Variants in PIEZO2 observed in about 807,000 individuals in gnomAD.
The protein encoded by PIEZO2 is piezo-type mechanosensitive ion channel component 2.
PIEZO2 carries 172 observed loss-of-function variants against 337.3 expected under a neutral mutation model. The observed-to-expected ratio is 0.51, with a 90% CI of 0.45 to 0.58. PIEZO2 has a LOEUF of 0.58. PIEZO2 is among the 20% of genes least tolerant of loss of function. PIEZO2 has a pLI of 0.00. For missense variants in PIEZO2, 3,028 were observed against 3,391.3 expected (o/e 0.89, Z 2.66); for synonymous variants, 1,251 against 1,228.5 (o/e 1.02, Z -0.38).
At chr18:10,865,557 GC>G (rs1208095667) in intron 5 of PIEZO2, among the ~76,000 whole-genome samples, 1 of 152,186 alleles carries the variant, frequency 6.6e-6, no homozygotes, top group Non-Finnish European at 1.5e-5. Flanking sequence ...GGCTCAAGCA[GC>G]TGGGTAGATG....
rs957867870 is a variant in PIEZO2 at position 10,750,723 on chromosome 18, T to G, written c.4168-536A>C. 1.3e-5 allele frequency among the ~76,000 whole-genome samples: 2 copies of G among 152,200 alleles called. No homozygotes were observed. Among genetic ancestry groups the G allele is most frequent in the Non-Finnish European group, 2.9e-5 (2 of 68,026 alleles). ...GGTGGTTGTCTCATAACAATGAATT[T>G]TTTGTTATAGTTAAGTTTAAATCCT... On this transcript the variant is annotated intron_variant, in intron 28 of 55. Coordinates refer to ENST00000674853, the MANE Select transcript of PIEZO2 (RefSeq NM_001378183.1). The surrounding 1 kb of genome is among the most constrained non-coding windows in gnomAD (Gnocchi z 4.1).
At chr18:11,017,096 G>A (rs998230724) in intron 2 of PIEZO2, among the ~76,000 whole-genome samples, 1 of 152,006 alleles carries the variant, frequency 6.6e-6, no homozygotes, top group African/African-American at 2.4e-5. Flanking sequence ...TAGGGACGAG[G>A]GATGAGACTT....
At chr18:10,883,382 C>A (rs8092582) in intron 4 of PIEZO2, among the ~76,000 whole-genome samples, 2,846 of 152,128 alleles carry the variant, frequency 0.019, 82 homozygotes, top group African/African-American at 0.061. Context: ...ACATTCCCAC[C>A]AAGAGTGTAC....
In PIEZO2 at chr18:10,766,154, CTAAAGAGA is replaced by C. The variant is rs1466079952; in HGVS notation, c.2947-3064_2947-3057del. ...CCTTGCCCTCTCACAGTTCTGTTATCTAAAGAGATCATGATCTCATCATTTTCCTGATG... is the reference window on the plus strand; with the variant it reads ...CCTTGCCCTCTCACAGTTCTGTTATCTCATGATCTCATCATTTTCCTGATG... On this transcript the variant is annotated intron_variant, in intron 21 of 55. Transcript: ENST00000674853. The surrounding 1 kb of genome is among the most constrained non-coding windows in gnomAD (Gnocchi z 6.1). Among the ~76,000 whole-genome samples the C allele has an allele frequency of 2.0e-5, 3 of 151,888 alleles. No individual in the cohort carries two copies. The highest frequency in any genetic ancestry group is 4.4e-5 in the Non-Finnish European group (3 of 68,004).
intron 2 of PIEZO2, among the ~76,000 whole-genome samples, chr18:11,050,524 TACACACACACAC>T (rs56107549): frequency 8.7e-5 from 13 of 149,068 alleles, no homozygotes; most frequent in South Asian, 2.2e-4. Context: ...GTGTTTATTT[TACACACACACAC>T]ACACACACAC....
intron 42 of PIEZO2, 61 bp downstream of exon 42, chr18:10,704,333 G>T: frequency 6.6e-7 from 1 of 1,512,490 alleles, no homozygotes; most frequent in East Asian, 2.5e-5. Context: ...AGGGACACAA[G>T]GTATGCTTCC....
chr18:10,742,807 T>C (rs972830317), intron 31 of PIEZO2, among the ~76,000 whole-genome samples, 192 bp from the exon 32 acceptor site: 98 of 150,814 alleles, frequency 6.5e-4, no homozygotes, highest in African/African-American at 1.8e-3. Flanking sequence ...TTTGTGTGTG[T>C]GTGTGTGTGT....
intron 33 of PIEZO2, 130 bp downstream of exon 33, chr18:10,740,901 C>T: frequency 1.0e-6 from 1 of 980,270 alleles, no homozygotes; most frequent in Non-Finnish European, 1.6e-6. Context: ...TTTTCCTACA[C>T]TCCGACCCCC....
intron 51 of PIEZO2, 34 bp downstream of exon 51, chr18:10,681,627 T>G: frequency 6.7e-7 from 1 of 1,486,948 alleles, no homozygotes; most frequent in Non-Finnish European, 9.4e-7. Context: ...AGATGAGAGG[T>G]CTTCACAGAA....
chr18:10,719,566 T>C (rs373433371), intron 36 of PIEZO2, among the ~76,000 whole-genome samples: 11 of 152,332 alleles, frequency 7.2e-5, no homozygotes, highest in African/African-American at 2.6e-4. Context: ...GACATATACA[T>C]ATATATCATT....
In PIEZO2 at chr18:11,016,346, C is replaced by T. The variant is rs1375692698; in HGVS notation, c.161-36686G>A. On this transcript the variant is annotated intron_variant, in intron 2 of 55. Transcript: ENST00000674853. This position sits in a 1 kb window ranked among gnomAD's most constrained non-coding sequence, Gnocchi z 5.6. Reference sequence around the variant, plus strand: ...GACGGTCAGAGCGAAAAAACAGGCACAGAGCAAGGACACAAGGCAACATCC... The same window carrying T: ...GACGGTCAGAGCGAAAAAACAGGCATAGAGCAAGGACACAAGGCAACATCC... Among the ~76,000 whole-genome samples the T allele has an allele frequency of 6.6e-6, 1 of 152,064 alleles. No homozygotes were observed. Among genetic ancestry groups the T allele is most frequent in the Non-Finnish European group, 1.5e-5 (1 of 68,032 alleles).
At position 10,855,638 on chromosome 18, in the gene PIEZO2, A is replaced by C. The variant is rs2041684431; in HGVS notation, c.704-72T>G. 2 of 1,180,132 alleles carry C rather than the reference A, an allele frequency of 1.7e-6. No homozygotes were observed. The highest frequency in any genetic ancestry group is 3.0e-5 in the South Asian group (2 of 65,736). The allele number at this position is 1,180,132 out of a possible 1,614,324, so 73.1% of individuals were successfully genotyped here. A position where few individuals can be genotyped will look rare whatever the true frequency, so the allele number is the denominator to read the frequency against. ...CACTTATCATTCAGTGAATGTGACT[A>C]TTTGAAATTATGTGAATTTCCTTCA... On this transcript the variant is annotated intron_variant, in intron 6 of 55. Transcript: ENST00000674853. This position sits in a 1 kb window ranked among gnomAD's most constrained non-coding sequence, Gnocchi z 4.9.
In PIEZO2 at chr18:11,148,574, C is replaced by T. The variant is rs570877991; in HGVS notation, c.15G>A (p.Val5=). ...GCAGCCTGAAGATGAGCCCGCACAC[C>T]ACTTCTGAGGCCATCGCGTCGGTCC... MASE[V]VCGLIFRLLL... is the part of the protein sequence containing the mutation. The change falls in exon 1 of 56, where the codon GTG becomes GTA. Residue 5 remains valine, a synonymous_variant. Transcript: ENST00000674853. This position sits in a 1 kb window ranked among gnomAD's most constrained non-coding sequence, Gnocchi z 5.2. 6.5e-7 allele frequency: 1 copy of T among 1,537,050 alleles called. No individual in the cohort carries two copies. The highest frequency in any genetic ancestry group is 8.7e-7 in the Non-Finnish European group (1 of 1,146,906).
In PIEZO2 at chr18:10,681,367, C is replaced by T. The variant is rs3748430; in HGVS notation, c.7779+294G>A. 8.3e-4 allele frequency among the ~76,000 whole-genome samples: 126 copies of T among 152,224 alleles called. 2 individuals carry two copies. The East Asian group carries it at 0.023, about 28-fold the overall frequency. On this transcript the variant is annotated intron_variant, in intron 51 of 55. Coordinates refer to ENST00000674853, the MANE Select transcript of PIEZO2 (RefSeq NM_001378183.1). Reference sequence around the variant, plus strand: ...TTTGAATTACTTCTTAGGACAGATTCCCAGAGTAGGCCTACTAGTCAAGAG... The same window carrying T: ...TTTGAATTACTTCTTAGGACAGATTTCCAGAGTAGGCCTACTAGTCAAGAG...
intron 3 of PIEZO2, among the ~76,000 whole-genome samples, chr18:10,965,118 A>T (rs1455519881): frequency 6.6e-6 from 1 of 151,956 alleles, no homozygotes; most frequent in Non-Finnish European, 1.5e-5. Flanking sequence ...CCTGTTTCCA[A>T]TTCTTTTGTG....
At chr18:10,688,570 C>T (rs930715247) in intron 49 of PIEZO2, among the ~76,000 whole-genome samples, 1 of 152,152 alleles carries the variant, frequency 6.6e-6, no homozygotes. Context: ...AGAAATTCTT[C>T]ATATTCCATT....
rs1011788784 is a variant in PIEZO2 at position 11,003,568 on chromosome 18, C to T, written c.161-23908G>A. 1.3e-5 allele frequency among the ~76,000 whole-genome samples: 2 copies of T among 152,198 alleles called. No homozygotes were observed. The highest frequency in any genetic ancestry group is 4.8e-5 in the African/African-American group (2 of 41,446). The stretch of plus-strand genomic sequence containing the variant: ...TCAGATAATAATTTACCCACTTATT[C>T]TAGTTCAGGGTTGCAGGGGGCTGGA... On this transcript the variant is annotated intron_variant, in intron 2 of 55. Transcript: ENST00000674853. The surrounding 1 kb of genome is among the most constrained non-coding windows in gnomAD (Gnocchi z 4.6).
At chr18:10,961,527 C>A (rs1339191276) in intron 3 of PIEZO2, among the ~76,000 whole-genome samples, 1 of 151,788 alleles carries the variant, frequency 6.6e-6, no homozygotes, top group Non-Finnish European at 1.5e-5. Context: ...ACTCATGTAG[C>A]CAAATACCAC....
intron 2 of PIEZO2, among the ~76,000 whole-genome samples, chr18:11,050,897 TA>T (rs33921906): frequency 0.11 from 15,979 of 140,414 alleles, 1,423 homozygotes; most frequent in African/African-American, 0.26. Flanking sequence ...TTACCAGGTT[TA>T]AAAAAAAAAA....
Sources: allele counts gnomAD v4.1 joint callset (sites outside exome capture counted in the v4.1 genomes callset), GRCh38; gene constraint gnomAD v4.1.1; non-coding constraint Gnocchi (gnomAD v3.1); transcripts MANE v1.5; gene names NCBI Gene and HGNC (gene_info 2026-07-23, HGNC 2026-07-21).